The following LRRC66 variants were observed in gnomAD, a reference collection of about 807,000 sequenced individuals.
LRRC66 encodes the protein leucine rich repeat containing 66.
LRRC66 carries 29 observed loss-of-function variants against 24.6 expected under a neutral mutation model. The observed-to-expected ratio is 1.18, with a 90% CI of 0.88 to 1.61. The LOEUF (loss-of-function observed/expected upper bound fraction) is 1.61. Among genes scored for constraint, LRRC66 ranks in the 40% most tolerant of loss-of-function variants. The probability of loss-of-function intolerance (pLI) is 0.00; values close to 1 mark genes in which losing one functional copy is unlikely to be tolerated. For missense variants in LRRC66, 1,124 were observed against 1,058.0 expected, an observed-to-expected ratio of 1.06 and a Z score of -0.87; for synonymous variants, 411 against 397.6, an observed-to-expected ratio of 1.03 and a Z score of -0.40.
intron 2 of LRRC66, among the ~76,000 whole-genome samples, chr4:52,005,887 G>T (rs1560559812): frequency 6.6e-6 from 1 of 152,142 alleles, no homozygotes; most frequent in Non-Finnish European, 1.5e-5. Context: ...TAAATATTTT[G>T]AATATAACCT....
Position 51,997,772 on chromosome 4 carries a change from T to C in LRRC66, c.832A>G (p.Asn278Asp), listed in dbSNP as rs1736356325. 1.2e-6 allele frequency: 2 copies of C among 1,613,916 alleles called. No individual in the cohort carries two copies. The highest frequency in any genetic ancestry group is 1.7e-5 in the Admixed American group (1 of 59,996). The change falls in exon 4 of 5, where the codon AAT becomes GAT. Residue 278 changes from asparagine to aspartate, a missense_variant. Transcript: ENST00000682860. Reference protein sequence around the residue: ...FISESWRKKWNVICNRSIGSE... With the variant: ...FISESWRKKWDVICNRSIGSE... ...CCTATAGACCTGTTGCAAATGACAT[T>C]CCACTTTTTCCTCCAGGATTCAGAA...
chr4:51,996,335 C>A (rs1012143008), intron 4 of LRRC66, among the ~76,000 whole-genome samples, 170 bp from the exon 5 acceptor site: 1 of 152,146 alleles, frequency 6.6e-6, no homozygotes, highest in South Asian at 2.1e-4. Flanking sequence ...AAGCCTCAGA[C>A]TCCTGGGCTC....
chr4:52,018,658 C>A, intron 1 of LRRC66: 5 of 937,442 alleles, frequency 5.3e-6, no homozygotes, highest in Non-Finnish European at 3.8e-6. Flanking sequence ...CTATATTATT[C>A]CTTCATTTGA....
intron 3 of LRRC66, among the ~76,000 whole-genome samples, chr4:52,002,597 G>A (rs563005517): frequency 2.0e-5 from 3 of 152,320 alleles, no homozygotes; most frequent in South Asian, 2.1e-4. Context: ...TAACTGCAAC[G>A]CGCCAGAGAC....
intron 2 of LRRC66, among the ~76,000 whole-genome samples, chr4:52,004,855 G>T (rs558364364): frequency 3.9e-5 from 6 of 152,182 alleles, no homozygotes; most frequent in Non-Finnish European, 8.8e-5. Context: ...AAACATTATG[G>T]GCAAGGCAGT....
chr4:51,997,924 C>G lies in LRRC66; in HGVS notation c.680G>C (p.Ser227Thr), dbSNP rs1363451405. The G allele has an allele frequency of 6.2e-7, 1 of 1,613,938 alleles. No homozygotes were observed. The highest frequency in any genetic ancestry group is 2.2e-5 in the East Asian group (1 of 44,860). Reference sequence around the variant, plus strand: ...TAGGATGGTAATCAGAGCATTGTTGCTAAGGTCTATGACCTGTTTGAGAAG... The same window carrying G: ...TAGGATGGTAATCAGAGCATTGTTGGTAAGGTCTATGACCTGTTTGAGAAG... ...DLKKLQVIDL[S>T]NNALITILPM... The change falls in exon 4 of 5, where the codon AGC (serine) becomes ACC (threonine). Residue 227 changes from serine to threonine, a missense_variant. Physicochemically the swap from Ser to Thr is moderately conservative, Grantham distance 58. Transcript: ENST00000682860.
At chr4:52,017,720 C>T in intron 1 of LRRC66, 102 bp from the exon 2 acceptor site, 7 of 1,385,824 alleles carry the variant, frequency 5.1e-6, no homozygotes, top group Non-Finnish European at 6.5e-6. Context: ...GGAAAGTTAT[C>T]TTGTCTTGGT....
chr4:52,018,478 A>G (rs1357604403), intron 1 of LRRC66: 1 of 985,290 alleles, frequency 1.0e-6, no homozygotes, highest in African/African-American at 1.7e-5. Context: ...AGTTTCCAAG[A>G]AATTGTCCCT....
Position 51,995,289 on chromosome 4 carries a change from G to T in LRRC66, c.1733C>A (p.Pro578His). 1.2e-6 allele frequency: 2 copies of T among 1,614,190 alleles called. No homozygotes were observed. The highest frequency in any genetic ancestry group is 2.7e-5 in the African/African-American group (2 of 75,058). The change falls in exon 5 of 5, where the codon CCT (proline) becomes CAT (histidine). Residue 578 changes from proline (P) to histidine (H), a missense_variant. Coordinates refer to ENST00000682860, the MANE Select transcript of LRRC66 (RefSeq NM_001024611.3). ...SSRYDSNELD[P>H]SLSGEITASL... Reference sequence around the variant, plus strand: ...AGCTGTTATTTCTCCGGAGAGGGAAGGGTCTAATTCATTGGAATCATAACG... The same window carrying T: ...AGCTGTTATTTCTCCGGAGAGGGAATGGTCTAATTCATTGGAATCATAACG...
At position 51,997,889 on chromosome 4, in the gene LRRC66, T is replaced by G. The variant is rs751294289; in HGVS notation, c.715A>C (p.Ile239Leu). 1 of 1,614,134 alleles carries G rather than the reference T, an allele frequency of 6.2e-7. No homozygotes were observed. Among genetic ancestry groups the G allele is most frequent in the East Asian group, 2.2e-5 (1 of 44,868 alleles). The change falls in exon 4 of 5, where the codon ATC (isoleucine) becomes CTC (leucine). Residue 239 changes from isoleucine to leucine, a missense_variant. Coordinates refer to ENST00000682860, the MANE Select transcript of LRRC66 (RefSeq NM_001024611.3). ...AGATGGGGAAATTCTAGAGCTATGA[T>G]CATCATTGGTAGGATGGTAATCAGA... The part of the protein sequence containing the change: ...NALITILPMM[I>L]IALEFPHLVV...
rs752830416 is a variant in LRRC66, at chr4:51,996,100, T to G, written c.922A>C (p.Ile308Leu). 6.2e-6 allele frequency: 10 copies of G among 1,613,932 alleles called. No homozygotes were observed. In the East Asian group the frequency reaches 2.0e-4, roughly 32 times the overall value. ...RISRETRLPPIHLHRMKSLIR... is the reference protein window; with the variant it reads ...RISRETRLPPLHLHRMKSLIR... ...AGGCTTTTCATGCGATGCAGATGAATGGGAGGAAGGCGGGTTTCCCTGGAA... is the reference window on the plus strand; with the variant it reads ...AGGCTTTTCATGCGATGCAGATGAAGGGGAGGAAGGCGGGTTTCCCTGGAA... The change falls in exon 5 of 5, where the codon ATT becomes CTT. Residue 308 changes from isoleucine to leucine, a missense_variant. Coordinates refer to ENST00000682860, the MANE Select transcript of LRRC66 (RefSeq NM_001024611.3).
chr4:52,014,167 G>T (rs961847225), intron 2 of LRRC66, among the ~76,000 whole-genome samples: 5 of 152,150 alleles, frequency 3.3e-5, no homozygotes, highest in African/African-American at 1.2e-4. Context: ...CAGAAGAATC[G>T]CTTGAACCTG....
intron 2 of LRRC66, among the ~76,000 whole-genome samples, chr4:52,007,730 G>C (rs1485768103): frequency 6.6e-6 from 1 of 152,184 alleles, no homozygotes; most frequent in Non-Finnish European, 1.5e-5. Context: ...CATGTAATTT[G>C]CTTTGGCCAA....
At chr4:52,017,036 T>G (rs1736826851) in intron 2 of LRRC66, 82 bp downstream of exon 2, 1 of 1,463,668 alleles carries the variant, frequency 6.8e-7, no homozygotes, top group East Asian at 2.3e-5. Context: ...CCCTTGAACC[T>G]GAAAACAAAT....
chr4:52,018,233 A>G lies in LRRC66; in HGVS notation c.-5-615T>C, dbSNP rs577327939. Reference sequence around the variant, plus strand: ...TACAACATAATGTGTTATCAAATACATGTTCTGGCTCCAAGCCATGAAGAT... The same window carrying G: ...TACAACATAATGTGTTATCAAATACGTGTTCTGGCTCCAAGCCATGAAGAT... On this transcript the variant is annotated intron_variant, in intron 1 of 4. Transcript: ENST00000682860. 129 of 985,424 alleles carry G rather than the reference A, an allele frequency of 1.3e-4. 1 individual carries two copies. The South Asian group carries it at 4.4e-3, about 33-fold the overall frequency. 61.0% of individuals were successfully genotyped at this position (985,424 alleles called of 1,614,324 possible). A position where few individuals can be genotyped will look rare whatever the true frequency, so the allele number is the denominator to read the frequency against.
Position 51,995,977 on chromosome 4 carries a change from G to C in LRRC66, c.1045C>G (p.Gln349Glu), listed in dbSNP as rs373569196. ...AKAGSGLRKK[Q>E]RRLPRSVRST... ...CTAACACTCCTTGGCAGCCGTCTCT[G>C]CTTCTTCCTGAGACCAGAGCCGGCC... The change falls in exon 5 of 5, where the codon CAG (glutamine) becomes GAG (glutamate). Residue 349 changes from glutamine to glutamate, a missense_variant. Transcript: ENST00000682860. The C allele has an allele frequency of 3.0e-5, 49 of 1,613,848 alleles. No individual in the cohort carries two copies. Among genetic ancestry groups the C allele is most frequent in the Non-Finnish European group, 4.2e-5 (49 of 1,179,978 alleles).
chr4:52,017,639 T>C, intron 1 of LRRC66, 21 bp from the exon 2 acceptor site: 4 of 1,514,726 alleles, frequency 2.6e-6, no homozygotes, highest in Non-Finnish European at 3.5e-6. Context: ...GAAAATGAAT[T>C]GACTTATTCA....
In LRRC66 at chr4:52,002,224, A is replaced by G. The variant is rs369290432; in HGVS notation, c.666+999T>C. 2.6e-5 allele frequency among the ~76,000 whole-genome samples: 4 copies of G among 152,362 alleles called. No individual in the cohort carries two copies. In the East Asian group the frequency reaches 7.7e-4, roughly 29 times the overall value. On this transcript the variant is annotated intron_variant, in intron 3 of 4. Transcript: ENST00000682860. Reference sequence around the variant, plus strand: ...TATTGGATAAATAACACTTACCACTAAGAAGAAATTCACTTGCTTATTTTA... The same window carrying G: ...TATTGGATAAATAACACTTACCACTGAGAAGAAATTCACTTGCTTATTTTA...
At chr4:52,001,532 T>G (rs1736446921) in intron 3 of LRRC66, among the ~76,000 whole-genome samples, 2 of 152,194 alleles carry the variant, frequency 1.3e-5, no homozygotes, top group African/African-American at 4.8e-5. Flanking sequence ...CTTTAAAATT[T>G]CTATACACAG....
Sources: allele counts gnomAD v4.1 joint callset (sites outside exome capture counted in the v4.1 genomes callset), GRCh38; gene constraint gnomAD v4.1.1; transcripts MANE v1.5; gene names NCBI Gene and HGNC (gene_info 2026-07-23, HGNC 2026-07-21).